NRG1: variants seen among roughly 807,000 people sequenced by gnomAD.
The protein encoded by NRG1 is pro-neuregulin-1, membrane-bound isoform.
A neutral mutation model predicts 63.8 loss-of-function variants in NRG1; 18 were observed. That is an observed-to-expected ratio of 0.28 (90% CI 0.19 to 0.42). The LOEUF (loss-of-function observed/expected upper bound fraction) is 0.42. NRG1 is among the 10% of genes least tolerant of loss of function. The pLI, the probability that NRG1 is intolerant of heterozygous loss-of-function variation, is 1.00. For missense variants in NRG1, 762 were observed against 814.7 expected (o/e 0.94, Z 0.79); for synonymous variants, 302 against 301.3 (o/e 1.00, Z -0.02).
At chr8:31,996,925 G>C (rs186575859) in intron 1 of NRG1, among the ~76,000 whole-genome samples, 43 of 151,924 alleles carry the variant, frequency 2.8e-4, no homozygotes, top group African/African-American at 9.9e-4. Flanking sequence ...ACTAAGGGGG[G>C]GTGGGATTCA....
intron 1 of NRG1, among the ~76,000 whole-genome samples, chr8:32,183,887 C>G (rs539221883): frequency 6.6e-6 from 1 of 152,258 alleles, no homozygotes; most frequent in Non-Finnish European, 1.5e-5. Context: ...CAGGAAGAAG[C>G]CTAACTCAGC....
At chr8:31,829,835 C>T (rs551129102) in intron 1 of NRG1, among the ~76,000 whole-genome samples, 5 of 152,300 alleles carry the variant, frequency 3.3e-5, no homozygotes, top group South Asian at 2.1e-4. Flanking sequence ...GGGCTGGCCA[C>T]GAGAGCCAGC....
intron 1 of NRG1, among the ~76,000 whole-genome samples, chr8:31,742,362 T>C (rs555116845): frequency 1.7e-4 from 25 of 151,176 alleles, no homozygotes; most frequent in Middle Eastern, 6.8e-3. Context: ...AAATTGTATA[T>C]ACATTTTAAT....
In NRG1 at chr8:32,684,865, C is replaced by T. The variant is rs544252012; in HGVS notation, c.503-43084C>T. ...CTACTGATATTTTCAGGAAAAAAAA[C>T]GCATACATATCCTAGTTTAGAGTAA... On this transcript the variant is annotated intron_variant, in intron 5 of 11. Transcript: ENST00000356819. Among the ~76,000 whole-genome samples the T allele has an allele frequency of 3.1e-3, 444 of 143,438 alleles. 1 individual carries two copies. The highest frequency in any genetic ancestry group is 0.011 in the African/African-American group (411 of 37,908). The allele number at this position is 143,438 out of a possible 152,430, so 94.1% of individuals were successfully genotyped here.
chr8:31,818,796 G>T (rs565110831), intron 1 of NRG1, among the ~76,000 whole-genome samples: 1 of 152,204 alleles, frequency 6.6e-6, no homozygotes, highest in Non-Finnish European at 1.5e-5. Context: ...GGTGGCTCAC[G>T]CCTGTAATCC....
intron 1 of NRG1, among the ~76,000 whole-genome samples, chr8:32,359,034 G>T (rs1029920147): frequency 1.3e-5 from 2 of 152,026 alleles, no homozygotes; most frequent in African/African-American, 4.8e-5. Flanking sequence ...AAGATTTCAG[G>T]GAGGGTGAAT....
intron 1 of NRG1, among the ~76,000 whole-genome samples, chr8:32,577,339 C>T (rs575500542): frequency 6.6e-6 from 1 of 152,238 alleles, no homozygotes; most frequent in Admixed American, 6.5e-5. Context: ...TTTTAGTAAA[C>T]TTGCTCAAGT....
At chr8:32,191,525 A>G (rs1295716828) in intron 1 of NRG1, among the ~76,000 whole-genome samples, 3 of 152,212 alleles carry the variant, frequency 2.0e-5, no homozygotes, top group Non-Finnish European at 4.4e-5. Context: ...ACATCATCAT[A>G]GGCATATGTA....
chr8:31,889,074 C>T (rs780697203), intron 1 of NRG1, among the ~76,000 whole-genome samples: 21 of 152,080 alleles, frequency 1.4e-4, no homozygotes, highest in Non-Finnish European at 2.8e-4. Context: ...AGGTCTTATT[C>T]TGAATATCTA....
At chr8:32,482,612 C>A (rs1825440304) in intron 1 of NRG1, among the ~76,000 whole-genome samples, 1 of 152,118 alleles carries the variant, frequency 6.6e-6, no homozygotes, top group Non-Finnish European at 1.5e-5. Context: ...TAGGAAGGAG[C>A]CATTCCAAGG....
intron 1 of NRG1, among the ~76,000 whole-genome samples, chr8:32,549,775 C>T (rs1833773516): frequency 6.6e-6 from 1 of 152,098 alleles, no homozygotes; most frequent in Non-Finnish European, 1.5e-5. Flanking sequence ...ACAAAAGAGG[C>T]ATGTCGAATA....
At chr8:32,209,680 A>G (rs1301345613) in intron 1 of NRG1, among the ~76,000 whole-genome samples, 2 of 152,128 alleles carry the variant, frequency 1.3e-5, no homozygotes, top group Non-Finnish European at 2.9e-5. Flanking sequence ...GAGATCACCC[A>G]CATGTGAATT....
intron 5 of NRG1, among the ~76,000 whole-genome samples, chr8:32,640,921 T>C (rs1231029500): frequency 6.6e-6 from 1 of 151,766 alleles, no homozygotes; most frequent in Non-Finnish European, 1.5e-5. Context: ...GATTGCACCA[T>C]TGCATTCTAG....
intron 5 of NRG1, among the ~76,000 whole-genome samples, chr8:32,617,858 T>C (rs1847658775): frequency 2.6e-5 from 4 of 152,294 alleles, no homozygotes; most frequent in African/African-American, 9.6e-5. Context: ...TAAATCCTGT[T>C]TGATGTTACA....
intron 1 of NRG1, among the ~76,000 whole-genome samples, chr8:32,501,113 C>T (rs934080438): frequency 3.9e-5 from 6 of 152,132 alleles, no homozygotes; most frequent in African/African-American, 1.4e-4. Flanking sequence ...CGTGAGCCTT[C>T]AGAAAAGCAT....
chr8:32,079,136 T>C (rs1827049500), intron 1 of NRG1, among the ~76,000 whole-genome samples: 1 of 138,956 alleles, frequency 7.2e-6, no homozygotes, highest in African/African-American at 2.7e-5. Context: ...TGTTTATGCA[T>C]GTAGAATGAA....
At chr8:31,919,659 A>T (rs1463546201) in intron 1 of NRG1, among the ~76,000 whole-genome samples, 1 of 152,156 alleles carries the variant, frequency 6.6e-6, no homozygotes, top group Non-Finnish European at 1.5e-5. Context: ...TCAACACATC[A>T]GTTCACAATG....
intron 1 of NRG1, among the ~76,000 whole-genome samples, chr8:32,449,332 T>C (rs2129487980): frequency 6.6e-6 from 1 of 150,446 alleles, no homozygotes; most frequent in South Asian, 2.1e-4. Context: ...AACAAATAAA[T>C]AAAATTATCC....
intron 5 of NRG1, among the ~76,000 whole-genome samples, chr8:32,670,851 A>G (rs929919419): frequency 2.6e-5 from 4 of 152,252 alleles, no homozygotes; most frequent in Non-Finnish European, 4.4e-5. Context: ...AATCAGCTCA[A>G]TTGAGTCAGT....
Sources: allele counts gnomAD v4.1 joint callset (sites outside exome capture counted in the v4.1 genomes callset), GRCh38; gene constraint gnomAD v4.1.1; transcripts MANE v1.5; gene names NCBI Gene and HGNC (gene_info 2026-07-23, HGNC 2026-07-21).